The following SORCS3 variants were observed in gnomAD, a reference collection of about 807,000 sequenced individuals.
SORCS3 encodes VPS10 domain-containing receptor SorCS3.
Under a neutral mutation model 146.3 loss-of-function variants are expected in SORCS3, and 57 were observed. That is an observed-to-expected ratio of 0.39 (90% confidence interval 0.31 to 0.49). The LOEUF (loss-of-function observed/expected upper bound fraction) is 0.49. SORCS3 is among the 20% of genes least tolerant of loss of function. The pLI is 0.92. For synonymous variants in SORCS3, 653 were observed against 618.5 expected (o/e 1.06, Z -0.83); for missense variants, 1,341 against 1,575.5 (o/e 0.85, Z 2.52).
intron 11 of SORCS3, among the ~76,000 whole-genome samples, chr10:105,163,032 T>G (rs2056280085): frequency 6.6e-6 from 1 of 152,164 alleles, no homozygotes; most frequent in Non-Finnish European, 1.5e-5. Flanking sequence ...TCTGGGGAGT[T>G]GAATTCCAAA....
intron 1 of SORCS3, among the ~76,000 whole-genome samples, chr10:104,667,171 T>C (rs1332274062): frequency 6.6e-6 from 1 of 152,222 alleles, no homozygotes; most frequent in African/African-American, 2.4e-5. Context: ...TGTTATTAAA[T>C]TTGGGACAAG....
At chr10:104,919,224 G>A (rs868795823) in intron 3 of SORCS3, among the ~76,000 whole-genome samples, 2 of 152,254 alleles carry the variant, frequency 1.3e-5, no homozygotes, top group South Asian at 2.1e-4. Context: ...CAGAAGTTAG[G>A]CCTATTTTGT....
At chr10:104,827,575 A>C (rs1564692661) in intron 1 of SORCS3, among the ~76,000 whole-genome samples, 1 of 152,170 alleles carries the variant, frequency 6.6e-6, no homozygotes. Context: ...TTTATAGAAC[A>C]CAAGCAGAGG....
chr10:104,693,374 G>A (rs1589459977), intron 1 of SORCS3, among the ~76,000 whole-genome samples: 1 of 152,196 alleles, frequency 6.6e-6, no homozygotes, highest in Non-Finnish European at 1.5e-5. Flanking sequence ...AGAGGATAGA[G>A]AGTATCCGAG....
intron 4 of SORCS3, among the ~76,000 whole-genome samples, chr10:105,030,696 G>T (rs1302187588): frequency 6.6e-6 from 1 of 151,834 alleles, no homozygotes; most frequent in African/African-American, 2.4e-5. Flanking sequence ...GGGTTCAAGC[G>T]ATTTTCCTGC....
intron 3 of SORCS3, among the ~76,000 whole-genome samples, chr10:104,940,220 ATATATATATATATATATATTTTTTTTTT>A (rs2019299350): frequency 7.0e-5 from 1 of 14,190 alleles, no homozygotes; most frequent in African/African-American, 3.6e-4. Flanking sequence ...ATATATATAT[ATATATATATATATATATATTTTTTTTTT>A]TTTTTTTATT....
intron 5 of SORCS3, among the ~76,000 whole-genome samples, chr10:105,049,849 A>T (rs1589609432): frequency 6.6e-6 from 1 of 152,062 alleles, no homozygotes; most frequent in South Asian, 2.1e-4. Context: ...ATAACTACCT[A>T]TTGGGTACTA....
intron 1 of SORCS3, among the ~76,000 whole-genome samples, chr10:104,658,479 G>A (rs993185324): frequency 4.6e-4 from 70 of 152,216 alleles, no homozygotes; most frequent in African/African-American, 1.6e-3. Context: ...TGCTCAGGCT[G>A]GAGTATGCAA....
rs542473731 is a variant in SORCS3 at position 104,992,712 on chromosome 10, T to G, written c.954+15219T>G. On this transcript the variant is annotated intron_variant, in intron 4 of 26. Transcript: ENST00000369701. The stretch of plus-strand genomic sequence containing the variant: ...AAGTGCCCTGGCACACATGCTTTCT[T>G]CTAGGAGTCCTTTACTTCCCCACTT... 3.3e-5 allele frequency among the ~76,000 whole-genome samples: 5 copies of G among 152,308 alleles called. No homozygotes were observed. In the East Asian group the frequency reaches 9.7e-4, roughly 29 times the overall value.
At chr10:104,728,806 C>T (rs1466882743) in intron 1 of SORCS3, among the ~76,000 whole-genome samples, 1 of 152,120 alleles carries the variant, frequency 6.6e-6, no homozygotes, top group Non-Finnish European at 1.5e-5. Context: ...GGTGGAAGTC[C>T]AGGCTCACTG....
intron 3 of SORCS3, among the ~76,000 whole-genome samples, chr10:104,948,254 C>T (rs1175208305): frequency 3.3e-5 from 5 of 152,070 alleles, no homozygotes; most frequent in Non-Finnish European, 7.4e-5. Context: ...AGTCTGTCCA[C>T]GGGGTTATGC....
chr10:105,222,676 A>G (rs1456131883), intron 19 of SORCS3, among the ~76,000 whole-genome samples: 4 of 152,234 alleles, frequency 2.6e-5, no homozygotes, highest in Admixed American at 2.6e-4. Flanking sequence ...ACAATGGCCA[A>G]TTGTTGAAGG....
rs144083318 is a variant in SORCS3 at position 104,840,984 on chromosome 10, C to T, written c.628-1808C>T. ...GCACATAGCCTCCCATGCTTTTACA[C>T]GGTGACTTTAAGAAGGACTTGGTAC... is the stretch of plus-strand genomic sequence containing the variant. On this transcript the variant is annotated intron_variant, in intron 1 of 26. Coordinates refer to ENST00000369701, the MANE Select transcript of SORCS3 (RefSeq NM_014978.3). 3.9e-3 allele frequency among the ~76,000 whole-genome samples: 591 copies of T among 152,180 alleles called. 6 individuals are homozygous for T. Among genetic ancestry groups the T allele is most frequent in the African/African-American group, 0.013 (539 of 41,518 alleles).
At chr10:104,661,765 T>C (rs186538964) in intron 1 of SORCS3, among the ~76,000 whole-genome samples, 2 of 152,314 alleles carry the variant, frequency 1.3e-5, no homozygotes, top group Admixed American at 1.3e-4. Context: ...TTGAACAAAT[T>C]CCTAATTGCA....
At chr10:104,795,210 A>G (rs2017541306) in intron 1 of SORCS3, among the ~76,000 whole-genome samples, 1 of 152,236 alleles carries the variant, frequency 6.6e-6, no homozygotes, top group Admixed American at 6.5e-5. Context: ...ACTTGAAGAT[A>G]TAACGAAGTC....
intron 18 of SORCS3, 59 bp downstream of exon 18, chr10:105,214,672 G>C: frequency 6.9e-7 from 1 of 1,452,280 alleles, no homozygotes; most frequent in Non-Finnish European, 9.2e-7. Flanking sequence ...TCCCAGAAGG[G>C]AAGAAGAAGA....
chr10:104,751,203 A>G (rs187305848), intron 1 of SORCS3, among the ~76,000 whole-genome samples: 74 of 152,292 alleles, frequency 4.9e-4, no homozygotes, highest in Admixed American at 2.4e-3. Flanking sequence ...CAGAGAGATA[A>G]ATTTGGGGTC....
intron 1 of SORCS3, among the ~76,000 whole-genome samples, chr10:104,761,206 A>G (rs1446630202): frequency 6.6e-6 from 1 of 152,184 alleles, no homozygotes; most frequent in Non-Finnish European, 1.5e-5. Flanking sequence ...TCTCCTTCCT[A>G]AGAGCAAGGT....
chr10:104,976,793 G>A (rs2054900272), intron 3 of SORCS3, among the ~76,000 whole-genome samples: 2 of 152,114 alleles, frequency 1.3e-5, no homozygotes, highest in Non-Finnish European at 2.9e-5. Context: ...ATCATTCTCA[G>A]TGAACTATTG....
Sources: gnomAD v4.1 joint callset for allele counts (sites outside exome capture counted in the v4.1 genomes callset) on GRCh38, gnomAD v4.1.1 for gene constraint, MANE v1.5 for transcripts, NCBI Gene and HGNC (gene_info 2026-07-23, HGNC 2026-07-21) for gene names.